The following PCOLCE2 variants were observed in gnomAD, a reference collection of about 807,000 sequenced individuals.
The protein encoded by PCOLCE2 is procollagen C-proteinase enhancer 2.
PCOLCE2 carries 42 observed loss-of-function variants against 47.0 expected under a neutral mutation model. The observed-to-expected ratio is 0.89, with a 90% CI of 0.70 to 1.16. The LOEUF (loss-of-function observed/expected upper bound fraction) is 1.16. PCOLCE2 is among the 50% of genes most tolerant of loss of function. The probability of loss-of-function intolerance (pLI) is 0.00; values close to 1 mark genes in which losing one functional copy is unlikely to be tolerated. For synonymous variants in PCOLCE2, 169 were observed against 191.7 expected (o/e 0.88, Z 0.98); for missense variants, 500 against 526.1 (o/e 0.95, Z 0.49).
At chr3:142,883,147 C>T (rs997489752) in intron 2 of PCOLCE2, among the ~76,000 whole-genome samples, 5 of 131,470 alleles carry the variant, frequency 3.8e-5, no homozygotes, top group African/African-American at 5.7e-5. Flanking sequence ...TTGCAGTGAG[C>T]GAGATTGCGC....
At chr3:142,848,079 T>A (rs1028872747) in intron 3 of PCOLCE2, 138 bp downstream of exon 3, 1 of 762,972 alleles carries the variant, frequency 1.3e-6, no homozygotes, top group Non-Finnish European at 2.1e-6. Context: ...ATTTTTTGTA[T>A]TGGTCTCATC....
intron 2 of PCOLCE2, among the ~76,000 whole-genome samples, chr3:142,861,484 C>T (rs1933181913): frequency 1.4e-5 from 2 of 147,794 alleles, no homozygotes; most frequent in Non-Finnish European, 1.5e-5. Flanking sequence ...CAAGTTTAGC[C>T]CTGATACTAA....
intron 5 of PCOLCE2, among the ~76,000 whole-genome samples, chr3:142,833,168 C>G (rs1461536073): frequency 6.6e-6 from 1 of 152,068 alleles, no homozygotes; most frequent in Non-Finnish European, 1.5e-5. Flanking sequence ...TGAAAGGGTA[C>G]AGTGTGCATT....
chr3:142,836,985 G>A lies in PCOLCE2; in HGVS notation c.710+1785C>T, dbSNP rs140039501. Among the ~76,000 whole-genome samples, 7 of 152,314 alleles carry A rather than the reference G, an allele frequency of 4.6e-5. No homozygotes were observed. In the East Asian group the frequency reaches 1.4e-3, roughly 29 times the overall value. On this transcript the variant is annotated intron_variant, in intron 5 of 8. Transcript: ENST00000295992. ...TAAGGCAAAGGGGCTTTGCAGATGTGAGTAAGACTCTTCAGAAGAGGAGAG... is the reference window on the plus strand; with the variant it reads ...TAAGGCAAAGGGGCTTTGCAGATGTAAGTAAGACTCTTCAGAAGAGGAGAG...
chr3:142,863,736 C>T (rs1933227524), intron 2 of PCOLCE2, among the ~76,000 whole-genome samples: 2 of 152,198 alleles, frequency 1.3e-5, no homozygotes, highest in Non-Finnish European at 2.9e-5. Context: ...TGTGCCCAAG[C>T]CTCCCAACAA....
At chr3:142,853,307 C>T (rs1480321625) in intron 2 of PCOLCE2, among the ~76,000 whole-genome samples, 1 of 152,130 alleles carries the variant, frequency 6.6e-6, no homozygotes, top group Admixed American at 6.5e-5. Context: ...CAAGGTCACT[C>T]CCTCCTGGAG....
chr3:142,888,144 A>C (rs1338217775), intron 1 of PCOLCE2, among the ~76,000 whole-genome samples: 1 of 152,236 alleles, frequency 6.6e-6, no homozygotes, highest in Non-Finnish European at 1.5e-5. Flanking sequence ...AAAGAAAGAC[A>C]GGCAAGCAAT....
chr3:142,834,968 C>G (rs999204031), intron 5 of PCOLCE2, among the ~76,000 whole-genome samples: 1 of 151,486 alleles, frequency 6.6e-6, no homozygotes, highest in Non-Finnish European at 1.5e-5. Flanking sequence ...GATTAAATTT[C>G]TTTAGTGATC....
rs1578035801 is a variant in PCOLCE2, at chr3:142,842,682, T to C, written c.573+242A>G. 6.6e-6 allele frequency among the ~76,000 whole-genome samples: 1 copy of C among 150,674 alleles called. No individual in the cohort carries two copies. The highest frequency in any genetic ancestry group is 2.0e-4 in the East Asian group (1 of 5,114). ...TGAACCCAGGAGGTGGAGGTTGCGGTGAGCTGAGATCGCACCATTGCACTC... is the reference window on the plus strand; with the variant it reads ...TGAACCCAGGAGGTGGAGGTTGCGGCGAGCTGAGATCGCACCATTGCACTC... On this transcript the variant is annotated intron_variant, in intron 4 of 8. Coordinates refer to ENST00000295992, the MANE Select transcript of PCOLCE2 (RefSeq NM_013363.4). This position sits in a 1 kb window ranked among gnomAD's most constrained non-coding sequence, Gnocchi z 4.1.
chr3:142,838,493 C>T (rs1278838986), intron 5 of PCOLCE2, among the ~76,000 whole-genome samples: 1 of 152,162 alleles, frequency 6.6e-6, no homozygotes, highest in Non-Finnish European at 1.5e-5. Context: ...TTCCTTTCCA[C>T]CATGATTGTA....
At chr3:142,825,430 G>A (rs578209738) in intron 6 of PCOLCE2, among the ~76,000 whole-genome samples, 3 of 151,974 alleles carry the variant, frequency 2.0e-5, no homozygotes, top group Non-Finnish European at 4.4e-5. Context: ...CTGTGTTCCC[G>A]CGATCGTTTC....
chr3:142,866,905 C>T (rs150901711), intron 2 of PCOLCE2, among the ~76,000 whole-genome samples: 6 of 152,340 alleles, frequency 3.9e-5, no homozygotes, highest in South Asian at 2.1e-4. Context: ...ACCAGGTCCA[C>T]GCAACAGGGC....
chr3:142,829,163 A>C lies in PCOLCE2; in HGVS notation c.865+529T>G, dbSNP rs376783602. 4.6e-5 allele frequency among the ~76,000 whole-genome samples: 7 copies of C among 152,136 alleles called. No homozygotes were observed. The East Asian group carries it at 7.7e-4, about 17-fold the overall frequency. On this transcript the variant is annotated intron_variant, in intron 6 of 8. Coordinates refer to ENST00000295992, the MANE Select transcript of PCOLCE2 (RefSeq NM_013363.4). ...CCCTACATACATGCCTCAGCCCCCCAGGCCAGTTTCCCAACCAGCCTCTGT... is the reference window on the plus strand; with the variant it reads ...CCCTACATACATGCCTCAGCCCCCCCGGCCAGTTTCCCAACCAGCCTCTGT...
At chr3:142,824,245 C>A (rs565265822) in intron 6 of PCOLCE2, among the ~76,000 whole-genome samples, 77 of 152,226 alleles carry the variant, frequency 5.1e-4, no homozygotes, top group Non-Finnish European at 9.4e-4. Context: ...GTACGGGTGA[C>A]GTTGCCCCCA....
Position 142,846,299 on chromosome 3 carries a change from G to A in PCOLCE2, c.448+1918C>T, listed in dbSNP as rs192625888. Among the ~76,000 whole-genome samples the A allele has an allele frequency of 1.1e-4, 16 of 152,262 alleles. No homozygotes were observed. The East Asian group carries it at 3.1e-3, about 29-fold the overall frequency. On this transcript the variant is annotated intron_variant, in intron 3 of 8. Coordinates refer to ENST00000295992, the MANE Select transcript of PCOLCE2 (RefSeq NM_013363.4). ...CTGCAACCTCTGCCTGCAGGTTCAA[G>A]CGATTCTCCTGCCTCGGCCTCCCGA...
At chr3:142,880,238 TAA>T (rs74558225) in intron 2 of PCOLCE2, among the ~76,000 whole-genome samples, 14 of 140,094 alleles carry the variant, frequency 1.0e-4, no homozygotes, top group Non-Finnish European at 7.8e-5. Context: ...ACATATACAT[TAA>T]AAAAAAAAAA....
rs77581029 is a variant in PCOLCE2, at chr3:142,880,516, AT to A, written c.192+7152del. ...CACCCAGCACTGATCTTACTAGACTATCACTATGTCTCAATTTTCACAAACC... is the reference window on the plus strand; with the variant it reads ...CACCCAGCACTGATCTTACTAGACTACACTATGTCTCAATTTTCACAAACC... On this transcript the variant is annotated intron_variant, in intron 2 of 8. Coordinates refer to ENST00000295992, the MANE Select transcript of PCOLCE2 (RefSeq NM_013363.4). 1.4e-4 allele frequency among the ~76,000 whole-genome samples: 22 copies of A among 152,342 alleles called. No homozygotes were observed. The East Asian group carries it at 4.0e-3, about 28-fold the overall frequency.
intron 2 of PCOLCE2, among the ~76,000 whole-genome samples, chr3:142,868,619 C>T (rs913024694): frequency 4.6e-5 from 7 of 152,140 alleles, no homozygotes; most frequent in African/African-American, 1.7e-4. Flanking sequence ...TCATTCTCCA[C>T]CTTGCATAAC....
chr3:142,856,850 G>A (rs1933069518), intron 2 of PCOLCE2, among the ~76,000 whole-genome samples: 1 of 150,444 alleles, frequency 6.6e-6, no homozygotes, highest in Admixed American at 6.6e-5. Context: ...ATGTTCTTGA[G>A]AAAACTGGAA....
Sources: allele counts gnomAD v4.1 joint callset (sites outside exome capture counted in the v4.1 genomes callset), GRCh38; gene constraint gnomAD v4.1.1; non-coding constraint Gnocchi (gnomAD v3.1); transcripts MANE v1.5; gene names NCBI Gene and HGNC (gene_info 2026-07-23, HGNC 2026-07-21).